Variants in DOCK11 observed in about 807,000 individuals in gnomAD.
DOCK11 encodes dedicator of cytokinesis 11, also known as dedicator of cytokinesis protein 11.
A neutral mutation model predicts 169.1 loss-of-function variants in DOCK11; 70 were observed. The observed-to-expected ratio is 0.41, with a 90% CI of 0.34 to 0.51. The LOEUF is 0.51. Among genes scored for constraint, DOCK11 ranks in the 20% least tolerant of loss-of-function variants. The probability of loss-of-function intolerance (pLI) is 0.10; values close to 1 mark genes in which losing one functional copy is unlikely to be tolerated. For missense variants in DOCK11, 1,166 were observed against 1,538.8 expected (o/e 0.76, Z 4.05); for synonymous variants, 529 against 541.3 (o/e 0.98, Z 0.32).
rs371241494 is a variant in DOCK11 at position 118,578,491 on chromosome X, A to G, written c.1390-34A>G. Reference sequence around the variant, plus strand: ...TAAACAACCATATGCACAAGATTACATAAGAAAGTCTAACGGAAGTACTTT... The same window carrying G: ...TAAACAACCATATGCACAAGATTACGTAAGAAAGTCTAACGGAAGTACTTT... On this transcript the variant is annotated intron_variant, in intron 12 of 52. Coordinates refer to ENST00000276202, the MANE Select transcript of DOCK11 (RefSeq NM_144658.4). 385 of 1,197,629 alleles carry G rather than the reference A, an allele frequency of 3.2e-4. No homozygotes were observed. In the African/African-American group the frequency reaches 6.2e-3, roughly 19 times the overall value.
At chrX:118,674,192 C>T (rs73591244) in intron 46 of DOCK11, among the ~76,000 whole-genome samples, 24 of 111,384 alleles carry the variant, frequency 2.2e-4, no homozygotes, top group African/African-American at 7.2e-4. Context: ...ACTCTGTCAT[C>T]GAGGTTGGAG....
Position 118,681,746 on chromosome X carries a change from C to G in DOCK11, c.5915C>G (p.Ala1972Gly), listed in dbSNP as rs779601655. Reference protein sequence around the residue: ...YARAFLNDSQASKYPPKKVSE... With the variant: ...YARAFLNDSQGSKYPPKKVSE... The stretch of plus-strand genomic sequence containing the variant: ...AGAGCTTTCTTAAATGACAGCCAAG[C>G]TAGCAAGTATCCACCTAAGAAAGTG... The change falls in exon 51 of 53, where the codon GCT (alanine) becomes GGT (glycine). Residue 1972 changes from alanine to glycine, a missense_variant. Coordinates refer to ENST00000276202, the MANE Select transcript of DOCK11 (RefSeq NM_144658.4). The G allele has an allele frequency of 2.5e-6, 3 of 1,205,941 alleles. No individual in the cohort carries two copies. In the African/African-American group the frequency reaches 5.2e-5, roughly 21 times the overall value.
intron 34 of DOCK11, among the ~76,000 whole-genome samples, chrX:118,630,086 C>A (rs2015200027): frequency 9.0e-6 from 1 of 110,936 alleles, no homozygotes; most frequent in African/African-American, 3.3e-5. Context: ...GCTATCTTTC[C>A]TTAAATAGCC....
chrX:118,636,453 T>A, intron 36 of DOCK11, 41 bp downstream of exon 36: 1 of 716,200 alleles, frequency 1.4e-6, no homozygotes, highest in Non-Finnish European at 2.0e-6. Flanking sequence ...TTCCCCTTAT[T>A]TGGGGAGAAT....
intron 40 of DOCK11, among the ~76,000 whole-genome samples, chrX:118,647,918 T>TTTATA (rs1569440851): frequency 3.9e-5 from 2 of 50,743 alleles, no homozygotes; most frequent in African/African-American, 2.0e-4. Flanking sequence ...ATTATAATAT[T>TTTATA]ATATATAATA....
In DOCK11 at chrX:118,606,571, CAG is replaced by C. The variant is rs1027978577; in HGVS notation, c.2681+1216_2681+1217del. Among the ~76,000 whole-genome samples the C allele has an allele frequency of 2.7e-5, 3 of 111,960 alleles. No homozygotes were observed. In the Admixed American group the frequency reaches 2.8e-4, roughly 11 times the overall value. ...ATGCACCTGAATTTTGAAATCAAAA[CAG>C]GGTACTTAAATTGTGGGCTGAGTGC... On this transcript the variant is annotated intron_variant, in intron 24 of 52. Coordinates refer to ENST00000276202, the MANE Select transcript of DOCK11 (RefSeq NM_144658.4).
chrX:118,681,917 TA>T (rs1176001106), intron 51 of DOCK11, 123 bp downstream of exon 51: 2 of 470,256 alleles, frequency 4.3e-6, no homozygotes, highest in East Asian at 8.4e-5. Context: ...TGTGGTCTTT[TA>T]CAATATCTAA....
chrX:118,570,551 A>G (rs2013240937), intron 10 of DOCK11, among the ~76,000 whole-genome samples: 1 of 112,327 alleles, frequency 8.9e-6, no homozygotes, highest in African/African-American at 3.2e-5. Context: ...AATCTTACAC[A>G]TTGGGCCCTT....
At chrX:118,608,486 G>A (rs766496865) in intron 26 of DOCK11, 130 bp downstream of exon 26, 1 of 846,564 alleles carries the variant, frequency 1.2e-6, no homozygotes, top group Non-Finnish European at 1.6e-6. Context: ...TTTTGCCCAT[G>A]CATCCTTTTC....
chrX:118,542,033 A>G (rs754454885), intron 1 of DOCK11, among the ~76,000 whole-genome samples: 1 of 111,655 alleles, frequency 9.0e-6, no homozygotes, highest in African/African-American at 3.3e-5. Flanking sequence ...TTCTCCTCCA[A>G]CGTTGCCCAG....
chrX:118,580,813 T>C (rs975009742), intron 14 of DOCK11, among the ~76,000 whole-genome samples: 5 of 112,312 alleles, frequency 4.5e-5, no homozygotes, highest in Non-Finnish European at 7.5e-5. Context: ...TAGTGAGTTA[T>C]GTACAGTATA....
Position 118,605,239 on chromosome X carries a change from G to A in DOCK11, c.2564G>A (p.Cys855Tyr), listed in dbSNP as rs1177950619. Residue 855 changes from cysteine to tyrosine, a missense_variant and splice_region_variant, in exon 24 of 53, where the codon TGT (cysteine) becomes TAT (tyrosine). Physicochemically the swap from Cys to Tyr is radical, Grantham distance 194. Transcript: ENST00000276202. ...VPGELIKYLK[C>Y]LHAMEIQVMI... ...TAACTAATAATGACTTAATTTTAGT[G>A]TTTGCATGCCATGGAGATCCAAGTC... is the stretch of plus-strand genomic sequence containing the variant. 2 of 1,148,940 alleles carry A rather than the reference G, an allele frequency of 1.7e-6. No individual in the cohort carries two copies. Among genetic ancestry groups the A allele is most frequent in the East Asian group, 6.1e-5 (2 of 32,631 alleles). The allele number at this position is 1,148,940 out of a possible 1,213,427, so 94.7% of individuals were successfully genotyped here. A position where few individuals can be genotyped will look rare whatever the true frequency, so the allele number is the denominator to read the frequency against.
intron 32 of DOCK11, among the ~76,000 whole-genome samples, chrX:118,626,010 A>G (rs2015092176): frequency 9.1e-6 from 1 of 109,915 alleles, no homozygotes; most frequent in African/African-American, 3.3e-5. Context: ...GTGCCTTCTA[A>G]ATTTTTCTCC....
intron 35 of DOCK11, among the ~76,000 whole-genome samples, chrX:118,631,508 C>T (rs2015241420): frequency 8.9e-6 from 1 of 111,848 alleles, no homozygotes; most frequent in East Asian, 2.8e-4. Flanking sequence ...GGAGTTTCTT[C>T]TTAAGGCAAT....
chrX:118,670,878 GTCA>G (rs2147578989), intron 45 of DOCK11, 142 bp from the exon 46 acceptor site: 1 of 375,547 alleles, frequency 2.7e-6, no homozygotes, highest in East Asian at 4.8e-5. Flanking sequence ...AGAAAATATC[GTCA>G]CACAAGTATG....
intron 1 of DOCK11, among the ~76,000 whole-genome samples, chrX:118,516,069 T>C (rs2147316771): frequency 1.2e-5 from 1 of 81,918 alleles, no homozygotes; most frequent in Non-Finnish European, 2.2e-5. Flanking sequence ...ATTCTTTCTT[T>C]CTTTTTTCTT....
chrX:118,507,635 C>T (rs1331891836), intron 1 of DOCK11, among the ~76,000 whole-genome samples: 1 of 112,087 alleles, frequency 8.9e-6, no homozygotes, highest in Admixed American at 9.4e-5. Context: ...CAGGCATGAG[C>T]CACCGTGCCC....
chrX:118,604,801 C>T (rs897369007), intron 23 of DOCK11, among the ~76,000 whole-genome samples: 13 of 110,290 alleles, frequency 1.2e-4, no homozygotes, highest in African/African-American at 4.0e-4. Flanking sequence ...TATAGAACCA[C>T]TCTTTATTGC....
chrX:118,541,754 C>A (rs2012011348), intron 1 of DOCK11, among the ~76,000 whole-genome samples: 1 of 112,189 alleles, frequency 8.9e-6, no homozygotes, highest in Admixed American at 9.4e-5. Context: ...GTTACCACTA[C>A]TCTTATTATG....
Sources: gnomAD v4.1 joint callset for allele counts (sites outside exome capture counted in the v4.1 genomes callset) on GRCh38, gnomAD v4.1.1 for gene constraint, MANE v1.5 for transcripts, NCBI Gene and HGNC (gene_info 2026-07-23, HGNC 2026-07-21) for gene names.